EPS8L3: variants seen among roughly 807,000 people sequenced by gnomAD.
EPS8L3 encodes epidermal growth factor receptor kinase substrate 8-like protein 3.
In EPS8L3, 80 loss-of-function variants were observed where a neutral mutation model predicts 88.5. The ratio of observed to expected loss-of-function variants is 0.90; its 90% CI spans 0.75 to 1.09. The LOEUF (loss-of-function observed/expected upper bound fraction) is 1.09. Ranked by LOEUF, EPS8L3 falls within the 50% of genes least tolerant of loss-of-function variation. The pLI is 0.00. For missense variants in EPS8L3, 721 were observed against 735.2 expected (o/e 0.98, Z 0.22); for synonymous variants, 286 against 291.0 (o/e 0.98, Z 0.18).
chr1:109,753,514 A>C (rs1046294017), intron 12 of EPS8L3, among the ~76,000 whole-genome samples: 2 of 152,220 alleles, frequency 1.3e-5, no homozygotes, highest in African/African-American at 4.8e-5. Flanking sequence ...AAGTAGTAGA[A>C]CTACAAGAGC....
chr1:109,761,024 G>T (rs1349359813), intron 3 of EPS8L3, among the ~76,000 whole-genome samples: 1 of 152,104 alleles, frequency 6.6e-6, no homozygotes, highest in Non-Finnish European at 1.5e-5. Flanking sequence ...CTTGGGCCCA[G>T]GTGCCTCCCC....
At chr1:109,757,296 T>A in intron 11 of EPS8L3, 131 bp from the exon 12 acceptor site, 1 of 1,224,928 alleles carries the variant, frequency 8.2e-7, no homozygotes, top group Non-Finnish European at 1.1e-6. Flanking sequence ...GGGCCCCATC[T>A]GCCTTGGGCC....
chr1:109,756,034 A>G (rs1270921769), intron 12 of EPS8L3, among the ~76,000 whole-genome samples: 1 of 152,190 alleles, frequency 6.6e-6, no homozygotes, highest in African/African-American at 2.4e-5. Flanking sequence ...CTTTCATGGA[A>G]TAGAGCAAAC....
At position 109,752,089 on chromosome 1, in the gene EPS8L3, T is replaced by C. The variant is rs569044050; in HGVS notation, c.1340A>G (p.Lys447Arg). 1.9e-6 allele frequency: 3 copies of C among 1,614,056 alleles called. No individual in the cohort carries two copies. The highest frequency in any genetic ancestry group is 1.1e-5 in the South Asian group (1 of 91,070). ...CATTTTCAGGGCTGGCTGGGCAGGT[T>C]TGGGGCTGGAGGGCCTGGAGTTGGG... ...GDPNSRPSSP[K>R]PAQPALKMQV... Residue 447 changes from lysine (K) to arginine (R), a missense_variant, in exon 15 of 19, where the codon AAA (lysine) becomes AGA (arginine). By Grantham distance (26) the Lys-to-Arg change is conservative. Coordinates refer to ENST00000361965, the MANE Select transcript of EPS8L3 (RefSeq NM_133181.4).
Position 109,758,437 on chromosome 1 carries a change from G to A in EPS8L3, c.602-6C>T, listed in dbSNP as rs1168089992. On this transcript the variant is annotated splice_region_variant and splice_polypyrimidine_tract_variant and intron_variant, in intron 7 of 18. Coordinates refer to ENST00000361965, the MANE Select transcript of EPS8L3 (RefSeq NM_133181.4). ...CCTTGGGGATGGTGGGAGGCCTGCA[G>A]TGTAAGGGGACCATGGACCTAGATC... is the stretch of plus-strand genomic sequence containing the variant. The A allele has an allele frequency of 3.1e-6, 5 of 1,596,044 alleles. No homozygotes were observed. In the East Asian group the frequency reaches 8.9e-5, roughly 29 times the overall value.
rs768352634 is a variant in EPS8L3 at position 109,758,530 on chromosome 1, C to T, written c.595G>A (p.Glu199Lys). 1 of 1,601,438 alleles carries T rather than the reference C, an allele frequency of 6.2e-7. No individual in the cohort carries two copies. The highest frequency in any genetic ancestry group is 1.3e-5 in the African/African-American group (1 of 74,498). The stretch of plus-strand genomic sequence containing the variant: ...CCCCATGCCCCAAACTTACTGTGCT[C>T]TAGGGTCCTCTGGTGGGGCTGTTCT... ...PPEQPHQRTL[E>K]HSLPPSPRPL... The change falls in exon 7 of 19, where the codon GAG (glutamate) becomes AAG (lysine). Residue 199 changes from glutamate to lysine, a missense_variant. Glu to Lys is a moderately conservative substitution (Grantham distance 56). Coordinates refer to ENST00000361965, the MANE Select transcript of EPS8L3 (RefSeq NM_133181.4).
At chr1:109,750,518 T>TG in intron 18 of EPS8L3, 116 bp from the exon 19 acceptor site, 2 of 1,577,120 alleles carry the variant, frequency 1.3e-6, no homozygotes, top group Admixed American at 3.5e-5. Context: ...GCTAAGCCCC[T>TG]GGGGGAATAT....
rs747700829 is a variant in EPS8L3 at position 109,750,655 on chromosome 1, C to T, written c.1770+5G>A. ...ATGGTTGTCAGGACCCCAGGGTGTC[C>T]TCACCCCCAGCATCCTTCTGACAGC... On this transcript the variant is annotated splice_donor_5th_base_variant and intron_variant, in intron 18 of 18. Transcript: ENST00000361965. 1 of 1,614,162 alleles carries T rather than the reference C, an allele frequency of 6.2e-7. No individual in the cohort carries two copies. The highest frequency in any genetic ancestry group is 8.5e-7 in the Non-Finnish European group (1 of 1,180,016).
At chr1:109,753,077 C>T in intron 13 of EPS8L3, 40 bp downstream of exon 13, 1 of 1,550,062 alleles carries the variant, frequency 6.5e-7, no homozygotes, top group Non-Finnish European at 8.9e-7. Context: ...TAGCCAGGGA[C>T]TAGGGCTGTG....
chr1:109,763,103 G>A (rs1397622789), intron 1 of EPS8L3, among the ~76,000 whole-genome samples: 1 of 152,216 alleles, frequency 6.6e-6, no homozygotes, highest in Non-Finnish European at 1.5e-5. Flanking sequence ...TGTTTATTAG[G>A]ACTGTTGTGA....
At position 109,763,802 on chromosome 1, in the gene EPS8L3, C is replaced by T. The variant is rs1651261005; in HGVS notation, c.-25+20G>A. The T allele has an allele frequency of 6.5e-6, 1 of 152,900 alleles. No individual in the cohort carries two copies. The highest frequency in any genetic ancestry group is 2.4e-5 in the African/African-American group (1 of 41,448). 9.5% of individuals were successfully genotyped at this position (152,900 alleles called of 1,614,324 possible). ...GTGACTGGGCTGGGCCCCGATCTTC[C>T]CTGGGGGCCAGGCCCTTACCTGGGT... On this transcript the variant is annotated intron_variant, in intron 1 of 18. Transcript: ENST00000361965.
At position 109,750,239 on chromosome 1, in the gene EPS8L3, T is replaced by C; in HGVS notation, c.*152A>G. The stretch of plus-strand genomic sequence containing the variant: ...AAGGGACACTGTTTGCTTCAGCCTC[T>C]GGGCCTGTCCATTGTTTTTGCTGTG... On this transcript the variant is annotated 3_prime_UTR_variant, in exon 19 of 19. Transcript: ENST00000361965. 2.2e-6 allele frequency: 2 copies of C among 902,880 alleles called. No homozygotes were observed. The highest frequency in any genetic ancestry group is 2.6e-5 in the East Asian group (1 of 38,020). 55.9% of individuals were successfully genotyped at this position (902,880 alleles called of 1,614,324 possible).
rs189798293 is a variant in EPS8L3, at chr1:109,755,571, G to A, written c.1118+1446C>T. ...TGTAATCTCAGCACTTTGGGAAGCC[G>A]AGGTGGGCGGATCCCTTGAGCTCAG... On this transcript the variant is annotated intron_variant, in intron 12 of 18. Coordinates refer to ENST00000361965, the MANE Select transcript of EPS8L3 (RefSeq NM_133181.4). Among the ~76,000 whole-genome samples, 49 of 152,272 alleles carry A rather than the reference G, an allele frequency of 3.2e-4. 1 individual carries two copies. Among genetic ancestry groups the A allele is most frequent in the Admixed American group, 2.6e-3 (40 of 15,304 alleles).
intron 12 of EPS8L3, among the ~76,000 whole-genome samples, chr1:109,756,801 T>C (rs1408025115): frequency 1.3e-5 from 2 of 152,228 alleles, no homozygotes; most frequent in African/African-American, 2.4e-5. Context: ...GATAACATGT[T>C]TCAGTAGTGG....
intron 3 of EPS8L3, 36 bp downstream of exon 3, chr1:109,761,459 A>C (rs1300713177): frequency 1.3e-5 from 20 of 1,581,018 alleles, no homozygotes; most frequent in Middle Eastern, 3.3e-4. Context: ...ACTTGGGTTT[A>C]GTTGGACACT....
At chr1:109,757,699 T>C (rs1343257440) in intron 10 of EPS8L3, 103 bp downstream of exon 10, 1 of 1,441,616 alleles carries the variant, frequency 6.9e-7, no homozygotes, top group Admixed American at 1.7e-5. Flanking sequence ...GGGGAGTAGA[T>C]GAAGAAGAAA....
chr1:109,756,979 C>G, intron 12 of EPS8L3, 38 bp downstream of exon 12: 1 of 1,614,024 alleles, frequency 6.2e-7, no homozygotes, highest in Non-Finnish European at 8.5e-7. Flanking sequence ...CTCCATGCCC[C>G]TCACCCCCGA....
intron 2 of EPS8L3, 22 bp downstream of exon 2, chr1:109,761,697 G>A: frequency 6.2e-7 from 1 of 1,613,820 alleles, no homozygotes; most frequent in East Asian, 2.2e-5. Flanking sequence ...GGGCACGGGA[G>A]AGGGGCCTGC....
At chr1:109,763,062 G>C (rs1651165566) in intron 1 of EPS8L3, among the ~76,000 whole-genome samples, 1 of 152,140 alleles carries the variant, frequency 6.6e-6, no homozygotes, top group Non-Finnish European at 1.5e-5. Context: ...GGACTACCCC[G>C]GGTAACATGT....
Sources: allele counts gnomAD v4.1 joint callset (sites outside exome capture counted in the v4.1 genomes callset), GRCh38; gene constraint gnomAD v4.1.1; transcripts MANE v1.5; gene names NCBI Gene and HGNC (gene_info 2026-07-23, HGNC 2026-07-21).